The following MID2 variants were observed in gnomAD, a reference collection of about 807,000 sequenced individuals.
The protein encoded by MID2 is probable E3 ubiquitin-protein ligase MID2.
In MID2, 13 loss-of-function variants were observed where a neutral mutation model predicts 46.1. The ratio of observed to expected loss-of-function variants is 0.28; its 90% CI spans 0.18 to 0.45. The LOEUF is 0.45. Among genes scored for constraint, MID2 ranks in the 20% least tolerant of loss-of-function variants. The pLI, the probability that MID2 is intolerant of heterozygous loss-of-function variation, is 1.00. For synonymous variants in MID2, 199 were observed against 212.3 expected, an observed-to-expected ratio of 0.94 and a Z score of 0.55; for missense variants, 431 against 575.4, an observed-to-expected ratio of 0.75 and a Z score of 2.57.
intron 3 of MID2, among the ~76,000 whole-genome samples, chrX:107,890,826 C>T (rs990991002): frequency 4.5e-5 from 5 of 111,251 alleles, no homozygotes; most frequent in African/African-American, 9.8e-5. Context: ...GGTGGGTGCC[C>T]CTCCCCCAGC....
chrX:107,840,484 C>T, intron 1 of MID2, among the ~76,000 whole-genome samples, 186 bp from the exon 2 acceptor site: 1 of 112,416 alleles, frequency 8.9e-6, no homozygotes, highest in Middle Eastern at 4.6e-3. Context: ...TAAACATAGG[C>T]ATTTGTCTAA....
intron 3 of MID2, among the ~76,000 whole-genome samples, chrX:107,873,879 T>C (rs1317783467): frequency 1.8e-5 from 2 of 111,952 alleles, no homozygotes; most frequent in Non-Finnish European, 3.8e-5. Context: ...GCTTTCCAGA[T>C]AGTGGCATGG....
intron 3 of MID2, 46 bp from the exon 4 acceptor site, chrX:107,903,912 G>A (rs753654598): frequency 3.1e-6 from 3 of 967,733 alleles, no homozygotes; most frequent in Non-Finnish European, 4.4e-6. Context: ...GCCAGCAGGG[G>A]ACAAAGGCAA....
At chrX:107,851,476 A>T (rs140956023) in intron 2 of MID2, among the ~76,000 whole-genome samples, 1 of 111,352 alleles carries the variant, frequency 9.0e-6, no homozygotes, top group Non-Finnish European at 1.9e-5. Flanking sequence ...CCAGACTTGC[A>T]TTACCCTACG....
intron 3 of MID2, among the ~76,000 whole-genome samples, chrX:107,868,815 A>G (rs1932009776): frequency 9.0e-6 from 1 of 110,779 alleles, no homozygotes; most frequent in South Asian, 3.8e-4. Context: ...GGACACCACA[A>G]ATTTAAGGGG....
chrX:107,827,635 G>A (rs1774342836), intron 1 of MID2, among the ~76,000 whole-genome samples: 1 of 110,739 alleles, frequency 9.0e-6, no homozygotes, highest in Non-Finnish European at 1.9e-5. Flanking sequence ...CAGTTCTCTG[G>A]CAATATTCCA....
chrX:107,890,639 C>T (rs1307426400), intron 3 of MID2, among the ~76,000 whole-genome samples: 1 of 112,225 alleles, frequency 8.9e-6, no homozygotes, highest in Non-Finnish European at 1.9e-5. Context: ...CTCCTCTCTT[C>T]AAAGCTGTCA....
intron 3 of MID2, among the ~76,000 whole-genome samples, chrX:107,888,413 G>T (rs1017026543): frequency 1.8e-5 from 2 of 112,176 alleles, no homozygotes; most frequent in Non-Finnish European, 3.8e-5. Context: ...AGGTTGTTCA[G>T]TTTCCATGTA....
At chrX:107,854,206 A>G (rs7053850) in intron 2 of MID2, among the ~76,000 whole-genome samples, 5,465 of 111,937 alleles carry the variant, frequency 0.049, 361 homozygotes, top group African/African-American at 0.17. Context: ...TCATAAGTTG[A>G]GGGACATGTG....
intron 5 of MID2, among the ~76,000 whole-genome samples, chrX:107,912,842 G>T (rs953657566): frequency 9.1e-6 from 1 of 110,459 alleles, no homozygotes; most frequent in Non-Finnish European, 1.9e-5. Context: ...TTCAATACTG[G>T]TCTCCCACAG....
rs936093052 is a variant in MID2 at position 107,930,082 on chromosome X, C to T, written c.*3009C>T. On this transcript the variant is annotated 3_prime_UTR_variant, in exon 10 of 10. Transcript: ENST00000262843. ...TCATCTTCCCTACTAGACTGAACAC[C>T]TTGAGAGGAAGGACTGTGTCTTTTA... Among the ~76,000 whole-genome samples, 1 of 111,622 alleles carries T rather than the reference C, an allele frequency of 9.0e-6. No homozygotes were observed. Among genetic ancestry groups the T allele is most frequent in the Non-Finnish European group, 1.9e-5 (1 of 53,026 alleles).
intron 2 of MID2, among the ~76,000 whole-genome samples, chrX:107,842,850 G>A (rs1329194972): frequency 8.9e-6 from 1 of 111,949 alleles, no homozygotes. Context: ...CTTTAAAGTT[G>A]TATAAACAGA....
chrX:107,913,922 C>G lies in MID2; in HGVS notation c.1074-2080C>G, dbSNP rs901884460. ...ACGTTTGTAACGTGGCCTACAAAGT[C>G]CTGCATGATTTTGTCTCATTCTCCA... On this transcript the variant is annotated intron_variant, in intron 5 of 9. Transcript: ENST00000262843. 4.5e-5 allele frequency among the ~76,000 whole-genome samples: 5 copies of G among 111,918 alleles called. No homozygotes were observed. The Admixed American group carries it at 4.7e-4, about 11-fold the overall frequency.
chrX:107,866,007 G>A (rs953897137), intron 3 of MID2, among the ~76,000 whole-genome samples: 1 of 112,516 alleles, frequency 8.9e-6, no homozygotes, highest in African/African-American at 3.2e-5. Context: ...GAGTGACCTA[G>A]GCAGGGAAGG....
Position 107,917,743 on chromosome X carries a change from A to T in MID2, c.1435+4A>T, listed in dbSNP as rs780207663. 1 of 1,201,430 alleles carries T rather than the reference A, an allele frequency of 8.3e-7. No homozygotes were observed. The highest frequency in any genetic ancestry group is 1.7e-5 in the African/African-American group (1 of 57,744). On this transcript the variant is annotated splice_donor_region_variant and intron_variant, in intron 7 of 9. Coordinates refer to ENST00000262843, the MANE Select transcript of MID2 (RefSeq NM_012216.4). ...AGATTGGCCGGGGCGCCACGAGGCAAGTGTTTGTAAGACATGTTAGGTTGT... is the reference window on the plus strand; with the variant it reads ...AGATTGGCCGGGGCGCCACGAGGCATGTGTTTGTAAGACATGTTAGGTTGT...
At chrX:107,846,964 T>C (rs1314231200) in intron 2 of MID2, among the ~76,000 whole-genome samples, 2 of 111,799 alleles carry the variant, frequency 1.8e-5, no homozygotes, top group South Asian at 7.4e-4. Context: ...AGAAATATAA[T>C]ATAGGTGAGG....
At chrX:107,907,075 G>A (rs900044562) in intron 5 of MID2, among the ~76,000 whole-genome samples, 5 of 111,468 alleles carry the variant, frequency 4.5e-5, no homozygotes, top group Non-Finnish European at 7.5e-5. Flanking sequence ...TTGCCCCATT[G>A]TCCTTTTAAC....
intron 3 of MID2, among the ~76,000 whole-genome samples, chrX:107,876,828 C>A (rs1932212267): frequency 1.8e-5 from 2 of 112,021 alleles, no homozygotes; most frequent in African/African-American, 6.5e-5. Flanking sequence ...TTGCCGTGAT[C>A]CCCCTTAATC....
At chrX:107,828,903 G>A (rs1225271438) in intron 1 of MID2, among the ~76,000 whole-genome samples, 2 of 111,010 alleles carry the variant, frequency 1.8e-5, no homozygotes, top group Non-Finnish European at 3.8e-5. Flanking sequence ...CCTTTGAGAC[G>A]AAGTCTCGCT....
Sources: gnomAD v4.1 joint callset for allele counts (sites outside exome capture counted in the v4.1 genomes callset) on GRCh38, gnomAD v4.1.1 for gene constraint, MANE v1.5 for transcripts, NCBI Gene and HGNC (gene_info 2026-07-23, HGNC 2026-07-21) for gene names.